NALF1: variants seen among roughly 807,000 people sequenced by gnomAD.
NALF1 encodes the protein family with sequence similarity 155 member A.
In NALF1, 3 loss-of-function variants were observed where a neutral mutation model predicts 48.4. That is an observed-to-expected ratio of 0.06 (90% confidence interval 0.03 to 0.16). NALF1 has a LOEUF of 0.16. Among genes scored for constraint, NALF1 ranks in the 10% least tolerant of loss-of-function variants. NALF1 has a pLI of 1.00. For missense variants in NALF1, 526 were observed against 571.5 expected (o/e 0.92, Z 0.81); for synonymous variants, 262 against 245.7 (o/e 1.07, Z -0.62).
chr13:107,414,568 C>G (rs1237122595), intron 1 of NALF1, among the ~76,000 whole-genome samples: 2 of 151,344 alleles, frequency 1.3e-5, no homozygotes, highest in Non-Finnish European at 3.0e-5. Flanking sequence ...TCATTGCTCA[C>G]TCTACTATTT....
intron 1 of NALF1, among the ~76,000 whole-genome samples, chr13:107,804,399 G>A (rs1878711246): frequency 6.8e-6 from 1 of 146,624 alleles, no homozygotes; most frequent in Non-Finnish European, 1.5e-5. Context: ...CTGGAGCTCA[G>A]AGGCCATTTT....
intron 1 of NALF1, among the ~76,000 whole-genome samples, chr13:107,304,746 C>A (rs1166097915): frequency 6.6e-6 from 1 of 152,210 alleles, no homozygotes; most frequent in Non-Finnish European, 1.5e-5. Flanking sequence ...GCAGTGTCAA[C>A]AAGATGGCAG....
chr13:107,298,623 G>A (rs1393592626), intron 1 of NALF1, among the ~76,000 whole-genome samples: 1 of 151,790 alleles, frequency 6.6e-6, no homozygotes, highest in Admixed American at 6.6e-5. Context: ...GTAGAGATGC[G>A]GTTTCACCAT....
chr13:107,440,360 T>C (rs1309349280), intron 1 of NALF1, among the ~76,000 whole-genome samples: 1 of 152,184 alleles, frequency 6.6e-6, no homozygotes, highest in Non-Finnish European at 1.5e-5. Context: ...ATACATTCCC[T>C]CTGACTGAGA....
chr13:107,696,147 T>G (rs570257262), intron 1 of NALF1, among the ~76,000 whole-genome samples: 322 of 152,304 alleles, frequency 2.1e-3, no homozygotes, highest in African/African-American at 7.4e-3. Context: ...TCTGCCCTTC[T>G]TGGCCTCCCA....
chr13:107,336,388 TAATAAA>T lies in NALF1; in HGVS notation c.916-125639_916-125634del, dbSNP rs757208402. ...ATGATGATAATAATAATAATAATAA[TAATAAA>T]AAATCTAATATCTTCACGAGTAGAA... On this transcript the variant is annotated intron_variant, in intron 1 of 2. Coordinates refer to ENST00000375915, the MANE Select transcript of NALF1 (RefSeq NM_001080396.3). Among the ~76,000 whole-genome samples the T allele has an allele frequency of 1.6e-3, 206 of 129,720 alleles. 2 individuals carry two copies. Among genetic ancestry groups the T allele is most frequent in the African/African-American group, 5.0e-3 (176 of 34,966 alleles). The allele number at this position is 129,720 out of a possible 152,430, so 85.1% of individuals were successfully genotyped here.
chr13:107,449,674 G>T (rs370736767), intron 1 of NALF1, among the ~76,000 whole-genome samples: 40 of 152,300 alleles, frequency 2.6e-4, no homozygotes, highest in African/African-American at 8.2e-4. Flanking sequence ...GTTCAGAAGA[G>T]AAATTGGTCT....
intron 1 of NALF1, among the ~76,000 whole-genome samples, chr13:107,311,389 C>G (rs1415285774): frequency 5.3e-5 from 8 of 152,052 alleles, no homozygotes; most frequent in Non-Finnish European, 1.2e-4. Flanking sequence ...TGAAAACTGT[C>G]AGATCTTAAA....
At chr13:107,544,738 T>C (rs1285721333) in intron 1 of NALF1, among the ~76,000 whole-genome samples, 1 of 152,190 alleles carries the variant, frequency 6.6e-6, no homozygotes, top group African/African-American at 2.4e-5. Flanking sequence ...ACTAATGCTT[T>C]GTGACAGGAC....
chr13:107,504,672 C>T (rs935391960), intron 1 of NALF1, among the ~76,000 whole-genome samples: 6 of 152,228 alleles, frequency 3.9e-5, no homozygotes, highest in Non-Finnish European at 7.4e-5. Context: ...TTTTATTCTA[C>T]GCACTAACCT....
chr13:107,726,753 G>C lies in NALF1; in HGVS notation c.915+138929C>G, dbSNP rs553703922. ...GCCCATTGAGTAGCTAGGACTACAA[G>C]GCACAGGCCACCACATGCGGCTAAT... On this transcript the variant is annotated intron_variant, in intron 1 of 2. Coordinates refer to ENST00000375915, the MANE Select transcript of NALF1 (RefSeq NM_001080396.3). Among the ~76,000 whole-genome samples, 9 of 151,200 alleles carry C rather than the reference G, an allele frequency of 6.0e-5. No individual in the cohort carries two copies. The South Asian group carries it at 8.3e-4, about 14-fold the overall frequency.
chr13:107,185,845 C>T (rs555347907), intron 2 of NALF1, among the ~76,000 whole-genome samples: 50 of 152,304 alleles, frequency 3.3e-4, no homozygotes, highest in South Asian at 2.7e-3. Flanking sequence ...ATACCTTCAA[C>T]ACTTTGCTGA....
chr13:107,345,048 C>G (rs2138938900), intron 1 of NALF1, among the ~76,000 whole-genome samples: 1 of 151,830 alleles, frequency 6.6e-6, no homozygotes, highest in Non-Finnish European at 1.5e-5. Context: ...AACAAACAAC[C>G]TAAAAATGAA....
At chr13:107,333,573 G>T (rs12855813) in intron 1 of NALF1, among the ~76,000 whole-genome samples, 23,603 of 152,140 alleles carry the variant, frequency 0.16, 2,446 homozygotes, top group Non-Finnish European at 0.23. Flanking sequence ...GTATTGATGT[G>T]GGGGGCAGGT....
intron 1 of NALF1, among the ~76,000 whole-genome samples, chr13:107,697,264 G>T (rs1370991474): frequency 6.6e-6 from 1 of 152,022 alleles, no homozygotes; most frequent in Non-Finnish European, 1.5e-5. Flanking sequence ...ATGTATAAAA[G>T]AGTTCTGTAT....
chr13:107,189,278 A>G (rs2138782715), intron 2 of NALF1, among the ~76,000 whole-genome samples: 1 of 152,362 alleles, frequency 6.6e-6, no homozygotes, highest in Middle Eastern at 3.4e-3. Context: ...AATCTAACAC[A>G]CACTGCAAAA....
chr13:107,492,668 C>T (rs1270502873), intron 1 of NALF1, among the ~76,000 whole-genome samples: 2 of 152,066 alleles, frequency 1.3e-5, no homozygotes, highest in Admixed American at 6.6e-5. Context: ...ATCAGTTTTG[C>T]ACTGTCTGTA....
At chr13:107,263,247 CAG>C (rs1308902646) in intron 1 of NALF1, among the ~76,000 whole-genome samples, 4 of 112,498 alleles carry the variant, frequency 3.6e-5, no homozygotes, top group African/African-American at 1.0e-4. Flanking sequence ...AAAATGCTAA[CAG>C]ACACACACAC....
chr13:107,687,502 G>GCA (rs57085950), intron 1 of NALF1, among the ~76,000 whole-genome samples: 80 of 148,706 alleles, frequency 5.4e-4, no homozygotes, highest in Middle Eastern at 3.5e-3. Flanking sequence ...CAGTGCACAT[G>GCA]CACACACACA....
Sources: gnomAD v4.1 joint callset for allele counts (sites outside exome capture counted in the v4.1 genomes callset) on GRCh38, gnomAD v4.1.1 for gene constraint, MANE v1.5 for transcripts, NCBI Gene and HGNC (gene_info 2026-07-23, HGNC 2026-07-21) for gene names.